The following SPOCK1 variants were observed in gnomAD, a reference collection of about 807,000 sequenced individuals.
SPOCK1 encodes the protein SPARC (osteonectin), cwcv and kazal like domains proteoglycan 1, also known as testican-1.
Under a neutral mutation model 55.3 loss-of-function variants are expected in SPOCK1, and 23 were observed. The ratio of observed to expected loss-of-function variants is 0.42; its 90% CI spans 0.30 to 0.59. SPOCK1 has a LOEUF of 0.59. Among genes scored for constraint, SPOCK1 ranks in the 20% least tolerant of loss-of-function variants. The pLI is 0.22. For synonymous variants in SPOCK1, 226 were observed against 221.0 expected, an observed-to-expected ratio of 1.02 and a Z score of -0.20; for missense variants, 499 against 552.5, an observed-to-expected ratio of 0.90 and a Z score of 0.97.
At chr5:137,164,153 T>C (rs6876847) in intron 3 of SPOCK1, among the ~76,000 whole-genome samples, 136,531 of 152,234 alleles carry the variant, frequency 0.9, 61,311 homozygotes, top group African/African-American at 0.93. Context: ...GGACCAAGAA[T>C]ATTCAAAATA....
chr5:137,006,088 T>A (rs1404958119), intron 6 of SPOCK1, among the ~76,000 whole-genome samples: 1 of 152,234 alleles, frequency 6.6e-6, no homozygotes, highest in Non-Finnish European at 1.5e-5. Flanking sequence ...ACCAGTAACA[T>A]GCTGTTTTGG....
At chr5:137,092,989 C>T (rs1401879115) in intron 5 of SPOCK1, among the ~76,000 whole-genome samples, 1 of 152,144 alleles carries the variant, frequency 6.6e-6, no homozygotes, top group African/African-American at 2.4e-5. Context: ...GTCTCTCTTC[C>T]TCTTCTTATA....
At chr5:137,191,206 C>A (rs1380752363) in intron 3 of SPOCK1, among the ~76,000 whole-genome samples, 1 of 152,186 alleles carries the variant, frequency 6.6e-6, no homozygotes, top group Non-Finnish European at 1.5e-5. Context: ...TGAGTGTTTC[C>A]TCTTCTGAAA....
At chr5:137,430,668 A>T (rs1752725096) in intron 2 of SPOCK1, among the ~76,000 whole-genome samples, 1 of 152,184 alleles carries the variant, frequency 6.6e-6, no homozygotes, top group Non-Finnish European at 1.5e-5. Flanking sequence ...GAAGATTTTG[A>T]CATAAAATTT....
intron 3 of SPOCK1, among the ~76,000 whole-genome samples, chr5:137,193,769 A>C (rs1755236998): frequency 6.6e-6 from 1 of 152,202 alleles, no homozygotes; most frequent in African/African-American, 2.4e-5. Flanking sequence ...AATACTTGAT[A>C]GCTCAATATA....
intron 4 of SPOCK1, among the ~76,000 whole-genome samples, chr5:137,134,458 T>C (rs1753943121): frequency 6.6e-6 from 1 of 152,210 alleles, no homozygotes; most frequent in Non-Finnish European, 1.5e-5. Context: ...AAGCTCTCAC[T>C]GGCACCCTAT....
At chr5:137,146,605 T>C (rs1381479284) in intron 3 of SPOCK1, among the ~76,000 whole-genome samples, 1 of 152,218 alleles carries the variant, frequency 6.6e-6, no homozygotes, top group Admixed American at 6.5e-5. Flanking sequence ...GGAACATTTA[T>C]TGCAGCTTGT....
intron 2 of SPOCK1, among the ~76,000 whole-genome samples, chr5:137,408,560 C>A (rs2078286516): frequency 6.6e-6 from 1 of 152,192 alleles, no homozygotes; most frequent in African/African-American, 2.4e-5. Flanking sequence ...CTAATCCAAA[C>A]CCATTCTTGA....
intron 3 of SPOCK1, among the ~76,000 whole-genome samples, chr5:137,160,491 C>T (rs1461650789): frequency 3.1e-5 from 3 of 96,396 alleles, no homozygotes; most frequent in African/African-American, 4.0e-5. Context: ...GCAGCCAACA[C>T]CTGGGCTATA....
At chr5:137,481,742 G>T (rs1753954550) in intron 2 of SPOCK1, among the ~76,000 whole-genome samples, 1 of 152,228 alleles carries the variant, frequency 6.6e-6, no homozygotes, top group Non-Finnish European at 1.5e-5. Flanking sequence ...GTCTGTGTGA[G>T]CACCTCAAAG....
At chr5:137,257,297 C>G (rs10050505) in intron 3 of SPOCK1, among the ~76,000 whole-genome samples, 17,918 of 152,256 alleles carry the variant, frequency 0.12, 1,327 homozygotes, top group East Asian at 0.25. Context: ...GTGTCCCCCC[C>G]CAAAATTTAT....
At chr5:137,314,918 C>T (rs1757850880) in intron 2 of SPOCK1, among the ~76,000 whole-genome samples, 1 of 152,150 alleles carries the variant, frequency 6.6e-6, no homozygotes, top group Non-Finnish European at 1.5e-5. Context: ...ACTGTCTGTC[C>T]ACCTACATGC....
chr5:137,067,581 T>C lies in SPOCK1; in HGVS notation c.589+134A>G. 5.9e-6 allele frequency: 4 copies of C among 672,660 alleles called. No individual in the cohort carries two copies. The South Asian group carries it at 8.2e-5, about 14-fold the overall frequency. 41.7% of individuals were successfully genotyped at this position (672,660 alleles called of 1,614,324 possible). A position where few individuals can be genotyped will look rare whatever the true frequency, so the allele number is the denominator to read the frequency against. On this transcript the variant is annotated intron_variant, in intron 6 of 10. Transcript: ENST00000394945. ...GGCAATTCGGTTTAGGGTCCCTAAA[T>C]CTGGAGTACTTACCTGTCATGTCTG...
At chr5:137,300,456 C>T (rs2127136208) in intron 2 of SPOCK1, among the ~76,000 whole-genome samples, 1 of 152,234 alleles carries the variant, frequency 6.6e-6, no homozygotes, top group Non-Finnish European at 1.5e-5. Context: ...ATACTGTTGG[C>T]CACAAAGAGT....
intron 2 of SPOCK1, among the ~76,000 whole-genome samples, chr5:137,365,859 A>G (rs1484800976): frequency 1.3e-5 from 2 of 152,246 alleles, no homozygotes; most frequent in African/African-American, 4.8e-5. Flanking sequence ...TTGTAACTCA[A>G]CTTACACAGT....
At chr5:137,148,956 T>C (rs1311578326) in intron 3 of SPOCK1, among the ~76,000 whole-genome samples, 1 of 152,066 alleles carries the variant, frequency 6.6e-6, no homozygotes, top group East Asian at 1.9e-4. Context: ...CCAAGATTCA[T>C]GTTACCCAGA....
chr5:137,357,574 G>A (rs1191833119), intron 2 of SPOCK1, among the ~76,000 whole-genome samples: 4 of 152,150 alleles, frequency 2.6e-5, no homozygotes, highest in South Asian at 2.1e-4. Context: ...CTATAAGAAC[G>A]AGTAGGAGTT....
intron 2 of SPOCK1, among the ~76,000 whole-genome samples, chr5:137,299,330 T>A (rs1043378931): frequency 7.2e-5 from 11 of 152,118 alleles, no homozygotes; most frequent in Non-Finnish European, 1.3e-4. Flanking sequence ...ATAATATATG[T>A]TGGGTTTATA....
chr5:137,274,418 C>T (rs1189469774), intron 2 of SPOCK1, among the ~76,000 whole-genome samples: 1 of 152,218 alleles, frequency 6.6e-6, no homozygotes, highest in Non-Finnish European at 1.5e-5. Context: ...TACTCAGCTT[C>T]TCCGAGTCAA....
Sources: gnomAD v4.1 joint callset for allele counts (sites outside exome capture counted in the v4.1 genomes callset) on GRCh38, gnomAD v4.1.1 for gene constraint, MANE v1.5 for transcripts, NCBI Gene and HGNC (gene_info 2026-07-23, HGNC 2026-07-21) for gene names.